The following SNX29 variants were observed in gnomAD, a reference collection of about 807,000 sequenced individuals.
The protein encoded by SNX29 is sorting nexin 29, also known as sorting nexin-29.
A neutral mutation model predicts 102.1 loss-of-function variants in SNX29; 78 were observed. That is an observed-to-expected ratio of 0.76 (90% CI 0.64 to 0.92). The LOEUF (loss-of-function observed/expected upper bound fraction) is 0.92. Ranked by LOEUF, SNX29 falls within the 40% of genes least tolerant of loss-of-function variation. The pLI is 0.00. For synonymous variants in SNX29, 580 were observed against 414.5 expected, an observed-to-expected ratio of 1.40 and a Z score of -4.85; for missense variants, 1,280 against 1,061.7, an observed-to-expected ratio of 1.21 and a Z score of -2.86.
chr16:12,150,659 A>G (rs1238457694), intron 13 of SNX29, among the ~76,000 whole-genome samples: 1 of 152,214 alleles, frequency 6.6e-6, no homozygotes, highest in Non-Finnish European at 1.5e-5. Context: ...ATCTTGAGAT[A>G]GTGTGCGTGA....
chr16:12,219,945 C>T (rs917708538), intron 14 of SNX29, among the ~76,000 whole-genome samples: 3 of 152,188 alleles, frequency 2.0e-5, no homozygotes, highest in African/African-American at 4.8e-5. Context: ...CACACGTGCA[C>T]GTGCACGCAC....
At chr16:12,194,301 A>G (rs748099157) in intron 13 of SNX29, among the ~76,000 whole-genome samples, 26 of 152,212 alleles carry the variant, frequency 1.7e-4, no homozygotes, top group Non-Finnish European at 3.4e-4. Flanking sequence ...TTGTTAGTGT[A>G]TAGAAATACA....
rs147678976 is a variant in SNX29, at chr16:12,072,019, T to A, written c.1319+2887T>A. ...TTGTGATTTTTGTACATTGATTTTG[T>A]ATCCTGAGACTTTGCTGAAGTTGCT... On this transcript the variant is annotated intron_variant, in intron 10 of 20. Transcript: ENST00000566228. 6.9e-3 allele frequency among the ~76,000 whole-genome samples: 1,052 copies of A among 152,358 alleles called. 12 individuals are homozygous for A. The highest frequency in any genetic ancestry group is 0.024 in the African/African-American group (998 of 41,584).
intron 14 of SNX29, among the ~76,000 whole-genome samples, chr16:12,241,891 G>C (rs2078114497): frequency 6.6e-6 from 1 of 152,166 alleles, no homozygotes; most frequent in African/African-American, 2.4e-5. Flanking sequence ...GAACTTTCTA[G>C]TTCATGTTCA....
chr16:12,339,837 G>GT lies in SNX29; in HGVS notation c.1783-16325dup, dbSNP rs1456613407. On this transcript the variant is annotated intron_variant, in intron 15 of 20. Coordinates refer to ENST00000566228, the MANE Select transcript of SNX29 (RefSeq NM_032167.5). ...TTCTGCCATCCCTGAACCAGTCACT[G>GT]TGGCTAAAGGATGAAATACACTCAT... 4.6e-5 allele frequency among the ~76,000 whole-genome samples: 7 copies of GT among 152,206 alleles called. No homozygotes were observed. The East Asian group carries it at 1.3e-3, about 29-fold the overall frequency.
chr16:12,047,212 A>G (rs2050123966), intron 6 of SNX29, among the ~76,000 whole-genome samples: 1 of 152,200 alleles, frequency 6.6e-6, no homozygotes, highest in Non-Finnish European at 1.5e-5. Context: ...TGACGAGTCA[A>G]CATGGAGAGA....
In SNX29 at chr16:12,477,804, A is replaced by C; in HGVS notation, c.2123A>C (p.Lys708Thr). 8 of 1,613,592 alleles carry C rather than the reference A, an allele frequency of 5.0e-6. No homozygotes were observed. The highest frequency in any genetic ancestry group is 6.8e-6 in the Non-Finnish European group (8 of 1,179,748). Residue 708 changes from lysine (K) to threonine (T), a missense_variant, in exon 19 of 21, where the codon AAG becomes ACG. Transcript: ENST00000566228. ...AGTTTGCACCACAAGTTACAAAACA[A>C]GTACCCTCAAGTGAGGGCCTACAAC... ...FRSLHHKLQNKYPQVRAYNFP... is the reference protein window; with the variant it reads ...FRSLHHKLQNTYPQVRAYNFP...
intron 18 of SNX29, among the ~76,000 whole-genome samples, chr16:12,442,724 G>A (rs2151677994): frequency 6.6e-6 from 1 of 151,998 alleles, no homozygotes; most frequent in East Asian, 1.9e-4. Flanking sequence ...TCGAGTAGCT[G>A]GGACTATAGG....
chr16:12,338,498 C>G (rs57944600), intron 15 of SNX29, among the ~76,000 whole-genome samples: 1,803 of 152,312 alleles, frequency 0.012, 47 homozygotes, highest in African/African-American at 0.041. Flanking sequence ...CAGGTTCCCA[C>G]AAGGGGTGTC....
At chr16:12,496,711 A>G (rs917038392) in intron 19 of SNX29, among the ~76,000 whole-genome samples, 1 of 151,744 alleles carries the variant, frequency 6.6e-6, no homozygotes, top group African/African-American at 2.4e-5. Flanking sequence ...GGGTTTCACC[A>G]TGTTGGCCAG....
intron 18 of SNX29, among the ~76,000 whole-genome samples, chr16:12,440,561 A>C (rs1474906939): frequency 2.0e-5 from 3 of 152,070 alleles, no homozygotes; most frequent in Admixed American, 6.6e-5. Flanking sequence ...CCGAGTCCTC[A>C]TTAGTTATTT....
At chr16:12,444,304 A>G (rs371961601) in intron 18 of SNX29, among the ~76,000 whole-genome samples, 39 of 41,430 alleles carry the variant, frequency 9.4e-4, no homozygotes, top group African/African-American at 3.7e-3. Flanking sequence ...AGCACTCAGT[A>G]TAGCACCTAG....
intron 20 of SNX29, among the ~76,000 whole-genome samples, chr16:12,544,966 CAG>C (rs375122582): frequency 7.5e-4 from 114 of 152,292 alleles, no homozygotes; most frequent in African/African-American, 2.3e-3. Flanking sequence ...GAAACAGGCT[CAG>C]AGAGATTGAG....
intron 19 of SNX29, among the ~76,000 whole-genome samples, chr16:12,497,944 CT>C (rs575261620): frequency 1.1e-4 from 16 of 152,108 alleles, no homozygotes; most frequent in Non-Finnish European, 1.8e-4. Context: ...TCTGTCCACT[CT>C]CAGACAAGGT....
At chr16:12,052,297 A>T in intron 8 of SNX29, 75 bp downstream of exon 8, 2 of 1,519,392 alleles carry the variant, frequency 1.3e-6, no homozygotes, top group Non-Finnish European at 9.0e-7. Context: ...GCTCACTGCA[A>T]CCTCCACCTC....
At chr16:12,422,957 G>A (rs79233204) in intron 18 of SNX29, among the ~76,000 whole-genome samples, 248 of 152,296 alleles carry the variant, frequency 1.6e-3, no homozygotes, top group Non-Finnish European at 2.4e-3. Flanking sequence ...AGAAACATCC[G>A]AAGCTTAAAG....
intron 13 of SNX29, among the ~76,000 whole-genome samples, chr16:12,193,802 G>A (rs999164674): frequency 6.6e-6 from 1 of 152,174 alleles, no homozygotes; most frequent in Non-Finnish European, 1.5e-5. Flanking sequence ...GCTTGATTGT[G>A]TGTATGGGTT....
At chr16:12,232,660 A>T (rs116496532) in intron 14 of SNX29, among the ~76,000 whole-genome samples, 108 of 152,214 alleles carry the variant, frequency 7.1e-4, no homozygotes, top group African/African-American at 2.6e-3. Context: ...TGAGAGTGTG[A>T]TTCTCCCCAA....
chr16:12,001,597 A>G (rs1301949219), intron 2 of SNX29, among the ~76,000 whole-genome samples: 1 of 152,148 alleles, frequency 6.6e-6, no homozygotes, highest in African/African-American at 2.4e-5. Context: ...AATTATATGT[A>G]TATACACACA....
Sources: allele counts gnomAD v4.1 joint callset (sites outside exome capture counted in the v4.1 genomes callset), GRCh38; gene constraint gnomAD v4.1.1; transcripts MANE v1.5; gene names NCBI Gene and HGNC (gene_info 2026-07-23, HGNC 2026-07-21).